ADK: variants seen among roughly 807,000 people sequenced by gnomAD.
ADK encodes the protein N6,N6-dimethyladenosine kinase.
ADK carries 24 observed loss-of-function variants against 44.7 expected under a neutral mutation model. The ratio of observed to expected loss-of-function variants is 0.54; its 90% CI spans 0.39 to 0.76. The LOEUF (loss-of-function observed/expected upper bound fraction) is 0.76. Ranked by LOEUF, ADK falls within the 30% of genes least tolerant of loss-of-function variation. The probability of loss-of-function intolerance (pLI) is 0.00; values close to 1 mark genes in which losing one functional copy is unlikely to be tolerated. For missense variants in ADK, 321 were observed against 425.1 expected, an observed-to-expected ratio of 0.76 and a Z score of 2.15; for synonymous variants, 128 against 142.6, an observed-to-expected ratio of 0.90 and a Z score of 0.73.
At chr10:74,605,064 G>A (rs1852269190) in intron 9 of ADK, among the ~76,000 whole-genome samples, 1 of 152,164 alleles carries the variant, frequency 6.6e-6, no homozygotes, top group South Asian at 2.1e-4. Flanking sequence ...TGGTGTATAG[G>A]AATGCTTGTG....
intron 1 of ADK, among the ~76,000 whole-genome samples, chr10:74,179,561 A>C (rs1302981892): frequency 1.3e-5 from 2 of 152,208 alleles, no homozygotes; most frequent in African/African-American, 2.4e-5. Context: ...ATGTATTAGC[A>C]TGCTAAAATA....
chr10:74,274,392 T>C (rs1427609813), intron 3 of ADK, among the ~76,000 whole-genome samples: 1 of 151,972 alleles, frequency 6.6e-6, no homozygotes, highest in African/African-American at 2.4e-5. Flanking sequence ...TAAAACCCTG[T>C]CTCTACTAAA....
At chr10:74,220,081 G>A (rs1378790322) in intron 2 of ADK, among the ~76,000 whole-genome samples, 2 of 151,994 alleles carry the variant, frequency 1.3e-5, no homozygotes, top group Non-Finnish European at 2.9e-5. Flanking sequence ...GAATCCAGGA[G>A]CTGGTTTTTT....
intron 6 of ADK, among the ~76,000 whole-genome samples, chr10:74,416,225 C>T (rs897401685): frequency 6.6e-6 from 1 of 151,824 alleles, no homozygotes; most frequent in African/African-American, 2.4e-5. Flanking sequence ...CTTTCTGGTA[C>T]TTAGCAGGAA....
intron 10 of ADK, among the ~76,000 whole-genome samples, chr10:74,704,755 G>A (rs1024576936): frequency 6.6e-6 from 1 of 152,078 alleles, no homozygotes; most frequent in Non-Finnish European, 1.5e-5. Flanking sequence ...CATACCAGGC[G>A]GAATGAAGAA....
In ADK at chr10:74,369,892, A is replaced by G. The variant is rs142227411; in HGVS notation, c.274-24249A>G. Among the ~76,000 whole-genome samples, 749 of 152,350 alleles carry G rather than the reference A, an allele frequency of 4.9e-3. 5 individuals are homozygous for G. The highest frequency in any genetic ancestry group is 0.017 in the African/African-American group (704 of 41,590). ...TCATCTATGTATATTATTCTATAGAATCTACAAAAAGGTACTAGAATGAAT... is the reference window on the plus strand; with the variant it reads ...TCATCTATGTATATTATTCTATAGAGTCTACAAAAAGGTACTAGAATGAAT... On this transcript the variant is annotated intron_variant, in intron 4 of 10. Coordinates refer to ENST00000539909, the MANE Select transcript of ADK (RefSeq NM_006721.4).
chr10:74,646,889 T>A (rs1291684123), intron 9 of ADK, among the ~76,000 whole-genome samples: 1 of 152,230 alleles, frequency 6.6e-6, no homozygotes, highest in Non-Finnish European at 1.5e-5. Flanking sequence ...CTGAAAAGTT[T>A]GTCTATTTTA....
chr10:74,640,798 A>G (rs1000407380), intron 9 of ADK, among the ~76,000 whole-genome samples: 1 of 152,244 alleles, frequency 6.6e-6, no homozygotes, highest in African/African-American at 2.4e-5. Context: ...CCCACAGGCC[A>G]TATTTTAACA....
At chr10:74,287,071 A>T (rs1010308939) in intron 3 of ADK, among the ~76,000 whole-genome samples, 1 of 152,184 alleles carries the variant, frequency 6.6e-6, no homozygotes, top group Admixed American at 6.5e-5. Context: ...AATTGAAAAG[A>T]TGAGATTTGA....
intron 3 of ADK, among the ~76,000 whole-genome samples, chr10:74,313,802 C>G (rs1366228700): frequency 6.6e-6 from 1 of 151,578 alleles, no homozygotes; most frequent in Non-Finnish European, 1.5e-5. Flanking sequence ...CTAATAAATT[C>G]TCTACACCTT....
intron 7 of ADK, among the ~76,000 whole-genome samples, chr10:74,567,968 G>C (rs1850749690): frequency 6.6e-6 from 1 of 151,866 alleles, no homozygotes; most frequent in Admixed American, 6.6e-5. Context: ...CAAAGTGCTG[G>C]GATTACAGGC....
At chr10:74,666,969 T>A (rs1157889393) in intron 9 of ADK, among the ~76,000 whole-genome samples, 4 of 151,922 alleles carry the variant, frequency 2.6e-5, no homozygotes, top group African/African-American at 9.7e-5. Flanking sequence ...TAGCTAGGAT[T>A]ACAGGCACAT....
At chr10:74,401,651 G>T (rs1843719075) in intron 6 of ADK, among the ~76,000 whole-genome samples, 1 of 151,870 alleles carries the variant, frequency 6.6e-6, no homozygotes, top group African/African-American at 2.4e-5. Context: ...CATGTGAGAT[G>T]GGTCTCCTGA....
intron 6 of ADK, among the ~76,000 whole-genome samples, chr10:74,497,306 C>A (rs1403790346): frequency 6.6e-6 from 1 of 152,138 alleles, no homozygotes; most frequent in African/African-American, 2.4e-5. Flanking sequence ...TTTGGGCATT[C>A]TTTTTGTCTT....
intron 1 of ADK, among the ~76,000 whole-genome samples, chr10:74,171,992 T>C (rs1022089945): frequency 1.3e-5 from 2 of 152,174 alleles, no homozygotes; most frequent in African/African-American, 4.8e-5. Context: ...AAAGATCACA[T>C]GAGTCCTCTT....
At chr10:74,466,918 A>G (rs1193957973) in intron 6 of ADK, among the ~76,000 whole-genome samples, 1 of 152,156 alleles carries the variant, frequency 6.6e-6, no homozygotes, top group African/African-American at 2.4e-5. Flanking sequence ...TAACAAATCT[A>G]GATAAATTTA....
At chr10:74,410,621 C>T (rs537938308) in intron 6 of ADK, among the ~76,000 whole-genome samples, 13 of 152,110 alleles carry the variant, frequency 8.5e-5, no homozygotes, top group Non-Finnish European at 1.3e-4. Flanking sequence ...GCAGAGGTTG[C>T]GGTGAGCCAA....
intron 6 of ADK, among the ~76,000 whole-genome samples, chr10:74,463,597 C>T (rs1477461415): frequency 2.0e-5 from 3 of 152,192 alleles, no homozygotes; most frequent in African/African-American, 7.2e-5. Flanking sequence ...CTGGCACTCA[C>T]CTCCTGCTGT....
chr10:74,427,624 T>C (rs915269502), intron 6 of ADK, among the ~76,000 whole-genome samples: 2 of 152,172 alleles, frequency 1.3e-5, no homozygotes, highest in East Asian at 1.9e-4. Context: ...GTAAGAATTC[T>C]GTGTAGAGGA....
Sources: gnomAD v4.1 joint callset for allele counts (sites outside exome capture counted in the v4.1 genomes callset) on GRCh38, gnomAD v4.1.1 for gene constraint, MANE v1.5 for transcripts, NCBI Gene and HGNC (gene_info 2026-07-23, HGNC 2026-07-21) for gene names.